The following POLR3D variants were observed in gnomAD, a reference collection of about 807,000 sequenced individuals.
POLR3D encodes the protein DNA-directed RNA polymerase III subunit RPC4.
POLR3D carries 42 observed loss-of-function variants against 44.5 expected under a neutral mutation model. The ratio of observed to expected loss-of-function variants is 0.94; its 90% CI spans 0.74 to 1.22. POLR3D has a LOEUF of 1.22. Ranked by LOEUF, POLR3D falls within the 50% of genes most tolerant of loss-of-function variation. The pLI is 0.00. For missense variants in POLR3D, 507 were observed against 505.2 expected, an observed-to-expected ratio of 1.00 and a Z score of -0.03; for synonymous variants, 217 against 198.1, an observed-to-expected ratio of 1.10 and a Z score of -0.80.
chr8:22,248,719 C>T (rs1399609497), intron 6 of POLR3D, 70 bp downstream of exon 6: 3 of 1,451,096 alleles, frequency 2.1e-6, no homozygotes, highest in Non-Finnish European at 2.9e-6. Context: ...CATCAGGCAT[C>T]CCTTGCATGT....
At position 22,250,103 on chromosome 8, in the gene POLR3D, C is replaced by G. The variant is rs1408888943; in HGVS notation, c.950C>G (p.Thr317Ser). 1.2e-6 allele frequency: 2 copies of G among 1,614,120 alleles called. No individual in the cohort carries two copies. The highest frequency in any genetic ancestry group is 1.7e-6 in the Non-Finnish European group (2 of 1,180,032). Residue 317 changes from threonine (T) to serine (S), a missense_variant, in exon 8 of 9, where the codon ACC becomes AGC. Thr to Ser is a moderately conservative substitution (Grantham distance 58). Coordinates refer to ENST00000306433, the MANE Select transcript of POLR3D (RefSeq NM_001722.3). ...REAKLAENAC[T>S]LADLTEGQVG... ...GCCAAATTGGCAGAGAATGCTTGTA[C>G]CCTGGCTGACCTGACAGAGGGTCAG... is the stretch of plus-strand genomic sequence containing the variant.
In POLR3D at chr8:22,249,210, C is replaced by T; in HGVS notation, c.822C>T (p.Thr274=). 6.2e-7 allele frequency: 1 copy of T among 1,614,010 alleles called. No individual in the cohort carries two copies. Among genetic ancestry groups the T allele is most frequent in the Non-Finnish European group, 8.5e-7 (1 of 1,180,008 alleles). ...EELLFLQLPD[T]LPGQPPTQDI... ...TGCTGTTTCTGCAGCTGCCAGACAC[C>T]CTCCCTGGCCAGCCACCCACCCAGG... The change falls in exon 7 of 9, where the codon ACC becomes ACT. Residue 274 remains threonine (T), a synonymous_variant. Coordinates refer to ENST00000306433, the MANE Select transcript of POLR3D (RefSeq NM_001722.3).
At position 22,245,536 on chromosome 8, in the gene POLR3D, G is replaced by A. The variant is rs770006466; in HGVS notation, c.87G>A (p.Arg29=). 1.4e-5 allele frequency: 18 copies of A among 1,266,538 alleles called. No individual in the cohort carries two copies. Among genetic ancestry groups the A allele is most frequent in the Non-Finnish European group, 1.8e-5 (18 of 998,574 alleles). 78.5% of individuals were successfully genotyped at this position (1,266,538 alleles called of 1,614,324 possible). Residue 29 remains arginine, a synonymous_variant, in exon 2 of 9, where the codon CGG becomes CGA. Transcript: ENST00000306433. The part of the protein sequence containing the change: ...LLTGARGLIG[R]RPAPPLTPGR... ...CTGGGGCCCGGGGGCTCATCGGGCG[G>A]CGGCCGGCGCCTCCCCTCACCCCCG...
chr8:22,248,773 T>A, intron 6 of POLR3D, 124 bp downstream of exon 6: 1 of 988,516 alleles, frequency 1.0e-6, no homozygotes, highest in African/African-American at 1.6e-5. Flanking sequence ...ATTCCGGCTG[T>A]AAGATACATG....
Position 22,252,893 on chromosome 8 carries a change from A to G in POLR3D, c.*2375A>G, listed in dbSNP as rs1280898854. 1 of 152,200 alleles carries G rather than the reference A, an allele frequency of 6.6e-6. No homozygotes were observed. The highest frequency in any genetic ancestry group is 1.5e-5 in the Non-Finnish European group (1 of 68,040). The allele number at this position is 152,200 out of a possible 1,614,324, so 9.4% of individuals were successfully genotyped here. On this transcript the variant is annotated 3_prime_UTR_variant, in exon 9 of 9. Coordinates refer to ENST00000306433, the MANE Select transcript of POLR3D (RefSeq NM_001722.3). ...GACTCCACCAGTAACTTTGGTTGGAAAAAATCACTTATCCTCTTTAAGCTT... is the reference window on the plus strand; with the variant it reads ...GACTCCACCAGTAACTTTGGTTGGAGAAAATCACTTATCCTCTTTAAGCTT...
intron 4 of POLR3D, 23 bp downstream of exon 4, chr8:22,248,031 T>TTTCA: frequency 6.2e-7 from 1 of 1,610,668 alleles, no homozygotes; most frequent in Non-Finnish European, 8.5e-7. Flanking sequence ...AATCAGTGAA[T>TTTCA]TTCAGTTCAG....
intron 7 of POLR3D, 32 bp from the exon 8 acceptor site, chr8:22,250,043 G>C (rs368645201): frequency 6.2e-7 from 1 of 1,612,354 alleles, no homozygotes; most frequent in Non-Finnish European, 8.5e-7. Flanking sequence ...AGAGCTCCTA[G>C]CCCAGTGTCC....
chr8:22,249,267 C>T lies in POLR3D; in HGVS notation c.879C>T (p.Gly293=), dbSNP rs1349884163. Residue 293 remains glycine, a synonymous_variant, in exon 7 of 9, where the codon GGC becomes GGT. Transcript: ENST00000306433. ...AGCCTATCAAGACAGAGGTGCAGGG[C>T]GAGGACGGACAGGTGGTGCTCATCA... ...DIKPIKTEVQ[G]EDGQVVLIKQ... is the part of the protein sequence containing the mutation. The T allele has an allele frequency of 9.9e-6, 16 of 1,613,812 alleles. No homozygotes were observed. Among genetic ancestry groups the T allele is most frequent in the Middle Eastern group, 1.6e-4 (1 of 6,080 alleles).
At position 22,250,433 on chromosome 8, in the gene POLR3D, G is replaced by C; in HGVS notation, c.1112G>C (p.Gly371Ala). The C allele has an allele frequency of 6.2e-7, 1 of 1,614,126 alleles. No homozygotes were observed. The highest frequency in any genetic ancestry group is 8.5e-7 in the Non-Finnish European group (1 of 1,179,972). Residue 371 changes from glycine (G) to alanine (A), a missense_variant, in exon 9 of 9, where the codon GGG becomes GCG. Gly to Ala is a moderately conservative substitution (Grantham distance 60). Coordinates refer to ENST00000306433, the MANE Select transcript of POLR3D (RefSeq NM_001722.3). Reference sequence around the variant, plus strand: ...GTGGGCCTTGGAGACAGTAGGACAGGGGAGATGACAGTCCTGGGACACGTG... The same window carrying C: ...GTGGGCCTTGGAGACAGTAGGACAGCGGAGATGACAGTCCTGGGACACGTG... Reference protein sequence around the residue: ...VSVGLGDSRTGEMTVLGHVKH... With the variant: ...VSVGLGDSRTAEMTVLGHVKH...
At chr8:22,249,656 C>G (rs34101866) in intron 7 of POLR3D, among the ~76,000 whole-genome samples, 3,399 of 152,198 alleles carry the variant, frequency 0.022, 64 homozygotes, top group Non-Finnish European at 0.03. Flanking sequence ...GTGGTGACAC[C>G]ATGGCTAATA....
intron 7 of POLR3D, 31 bp downstream of exon 7, chr8:22,249,340 A>G: frequency 6.2e-7 from 1 of 1,605,408 alleles, no homozygotes; most frequent in Non-Finnish European, 8.5e-7. Flanking sequence ...GCGGGAATCA[A>G]GTCGGGGACT....
At position 22,252,993 on chromosome 8, in the gene POLR3D, C is replaced by T. The variant is rs1441938370; in HGVS notation, c.*2475C>T. 1 of 152,172 alleles carries T rather than the reference C, an allele frequency of 6.6e-6. No homozygotes were observed. Among genetic ancestry groups the T allele is most frequent in the Admixed American group, 6.5e-5 (1 of 15,278 alleles). 9.4% of individuals were successfully genotyped at this position (152,172 alleles called of 1,614,324 possible). On this transcript the variant is annotated 3_prime_UTR_variant, in exon 9 of 9. Transcript: ENST00000306433. ...AGGGTTGCTTTTAAATTAGAGTGAACATGAGGCATTTATTCGGTGCCAGAC... is the reference window on the plus strand; with the variant it reads ...AGGGTTGCTTTTAAATTAGAGTGAATATGAGGCATTTATTCGGTGCCAGAC...
rs1473099140 is a variant in POLR3D, at chr8:22,249,247, A to G, written c.859A>G (p.Ile287Val). Residue 287 changes from isoleucine (I) to valine (V), a missense_variant, in exon 7 of 9, where the codon ATC becomes GTC. Coordinates refer to ENST00000306433, the MANE Select transcript of POLR3D (RefSeq NM_001722.3). ...GCCACCCACCCAGGACATCAAGCCT[A>G]TCAAGACAGAGGTGCAGGGCGAGGA... ...GQPPTQDIKP[I>V]KTEVQGEDGQ... is the part of the protein sequence containing the mutation. The G allele has an allele frequency of 2.5e-6, 4 of 1,614,062 alleles. No homozygotes were observed. Among genetic ancestry groups the G allele is most frequent in the South Asian group, 1.1e-5 (1 of 91,074 alleles).
At chr8:22,247,762 T>C in intron 3 of POLR3D, 95 bp from the exon 4 acceptor site, 1 of 1,167,306 alleles carries the variant, frequency 8.6e-7, no homozygotes, top group Non-Finnish European at 1.2e-6. Context: ...GCTCAAACTC[T>C]CCACTGTTTT....
In POLR3D at chr8:22,250,792, G is replaced by A; in HGVS notation, c.*274G>A. ...TTATGTCTTAATCTCTTCCACTGAT[G>A]CATCCTCCAAGGGTAGATGGGGAGG... On this transcript the variant is annotated 3_prime_UTR_variant, in exon 9 of 9. Transcript: ENST00000306433. 2.4e-6 allele frequency: 1 copy of A among 425,528 alleles called. No individual in the cohort carries two copies. The highest frequency in any genetic ancestry group is 4.4e-6 in the Non-Finnish European group (1 of 226,434). The allele number at this position is 425,528 out of a possible 1,614,324, so 26.4% of individuals were successfully genotyped here. A position where few individuals can be genotyped will look rare whatever the true frequency, so the allele number is the denominator to read the frequency against.
chr8:22,247,800 C>T, intron 3 of POLR3D, 57 bp from the exon 4 acceptor site: 1 of 1,560,864 alleles, frequency 6.4e-7, no homozygotes. Flanking sequence ...GAGAGTAAGG[C>T]CAGATTTTGG....
Position 22,245,630 on chromosome 8 carries a change from T to A in POLR3D, c.165+16T>A. Reference sequence around the variant, plus strand: ...AGTCAAGAAGGTACCCAACGGCGCGTTTCTAAAGAAACTCAACTACCTTGA... The same window carrying A: ...AGTCAAGAAGGTACCCAACGGCGCGATTCTAAAGAAACTCAACTACCTTGA... On this transcript the variant is annotated intron_variant, in intron 2 of 8. Coordinates refer to ENST00000306433, the MANE Select transcript of POLR3D (RefSeq NM_001722.3). The A allele has an allele frequency of 8.0e-7, 1 of 1,249,348 alleles. No individual in the cohort carries two copies. Among genetic ancestry groups the A allele is most frequent in the Non-Finnish European group, 1.0e-6 (1 of 988,458 alleles). 77.4% of individuals were successfully genotyped at this position (1,249,348 alleles called of 1,614,324 possible). A position where few individuals can be genotyped will look rare whatever the true frequency, so the allele number is the denominator to read the frequency against.
intron 5 of POLR3D, 45 bp downstream of exon 5, chr8:22,248,323 G>A: frequency 6.2e-7 from 1 of 1,603,868 alleles, no homozygotes; most frequent in Non-Finnish European, 8.5e-7. Context: ...TGTGGCTGTA[G>A]AACAGGGCTT....
rs765994113 is a variant in POLR3D, at chr8:22,248,523, C to T, written c.529C>T (p.Pro177Ser). ...PGLRNDTRNMPVQLPLAHSGW... is the reference protein window; with the variant it reads ...PGLRNDTRNMSVQLPLAHSGW... The stretch of plus-strand genomic sequence containing the variant: ...CCTGAGGAACGACACTCGAAATATG[C>T]CTGTGCAGCTGCCGCTGGCTCACTC... Residue 177 changes from proline to serine, a missense_variant, in exon 6 of 9, where the codon CCT becomes TCT. By Grantham distance (74) the Pro-to-Ser change is moderately conservative. Coordinates refer to ENST00000306433, the MANE Select transcript of POLR3D (RefSeq NM_001722.3). The T allele has an allele frequency of 1.2e-6, 2 of 1,614,172 alleles. No individual in the cohort carries two copies. The highest frequency in any genetic ancestry group is 8.5e-7 in the Non-Finnish European group (1 of 1,180,016).
Sources: allele counts gnomAD v4.1 joint callset (sites outside exome capture counted in the v4.1 genomes callset), GRCh38; gene constraint gnomAD v4.1.1; transcripts MANE v1.5; gene names NCBI Gene and HGNC (gene_info 2026-07-23, HGNC 2026-07-21).